DNM3: variants seen among roughly 807,000 people sequenced by gnomAD.
DNM3 encodes dynamin 3, also known as dynamin-3.
A neutral mutation model predicts 101.6 loss-of-function variants in DNM3; 47 were observed. The ratio of observed to expected loss-of-function variants is 0.46; its 90% confidence interval spans 0.37 to 0.59. The LOEUF (loss-of-function observed/expected upper bound fraction) is 0.59. Ranked by LOEUF, DNM3 falls within the 20% of genes least tolerant of loss-of-function variation. DNM3 has a pLI of 0.00. For missense variants in DNM3, 849 were observed against 1,085.7 expected (o/e 0.78, Z 3.06); for synonymous variants, 385 against 387.9 (o/e 0.99, Z 0.09).
At chr1:172,103,912 A>G (rs1400201113) in intron 13 of DNM3, among the ~76,000 whole-genome samples, 1 of 152,160 alleles carries the variant, frequency 6.6e-6, no homozygotes, top group African/African-American at 2.4e-5. Flanking sequence ...GAGGCAGGAG[A>G]ATCACTTGAA....
At chr1:172,035,742 G>C (rs1416959773) in intron 6 of DNM3, among the ~76,000 whole-genome samples, 2 of 152,130 alleles carry the variant, frequency 1.3e-5, no homozygotes, top group African/African-American at 4.8e-5. Flanking sequence ...TGTCTCTTGT[G>C]ACGTTGCTGT....
At chr1:171,932,698 T>C (rs2041123342) in intron 2 of DNM3, among the ~76,000 whole-genome samples, 1 of 152,248 alleles carries the variant, frequency 6.6e-6, no homozygotes, top group Admixed American at 6.5e-5. Flanking sequence ...AACCATCTTA[T>C]TCTACATTTG....
intron 14 of DNM3, among the ~76,000 whole-genome samples, chr1:172,149,640 G>A (rs10911112): frequency 0.34 from 51,864 of 151,980 alleles, 11,707 homozygotes; most frequent in East Asian, 0.62. Flanking sequence ...TAAAATGAGG[G>A]CTGGTTCCCT....
intron 20 of DNM3, among the ~76,000 whole-genome samples, chr1:172,392,509 C>T (rs1212910008): frequency 1.3e-5 from 2 of 152,186 alleles, no homozygotes; most frequent in African/African-American, 4.8e-5. Context: ...AGATCCTGAT[C>T]TTCATCAGAC....
chr1:171,941,496 A>C (rs2041813371), intron 2 of DNM3, among the ~76,000 whole-genome samples: 1 of 152,196 alleles, frequency 6.6e-6, no homozygotes, highest in Non-Finnish European at 1.5e-5. Context: ...GTGAATGTTT[A>C]GAAGTCAGGC....
intron 14 of DNM3, among the ~76,000 whole-genome samples, chr1:172,224,380 T>C (rs2061023515): frequency 6.6e-6 from 1 of 152,206 alleles, no homozygotes; most frequent in African/African-American, 2.4e-5. Flanking sequence ...GGAAATCAAA[T>C]GGAAACCACC....
chr1:172,418,293 T>A, exon 21 of DNM3: 1 of 1,289,472 alleles, frequency 7.8e-7, no homozygotes, highest in Non-Finnish European at 1.0e-6. Flanking sequence ...GACCCCCTCC[T>A]GCAGTTCCAG....
intron 1 of DNM3, among the ~76,000 whole-genome samples, chr1:171,901,998 T>C (rs1023883121): frequency 6.6e-6 from 1 of 152,190 alleles, no homozygotes; most frequent in African/African-American, 2.4e-5. Context: ...CTATATTAGT[T>C]CAAGTTTACA....
chr1:171,996,091 A>G (rs1158767518), intron 4 of DNM3, among the ~76,000 whole-genome samples: 2 of 152,162 alleles, frequency 1.3e-5, no homozygotes, highest in African/African-American at 2.4e-5. Flanking sequence ...ATGTATTTAC[A>G]TATATTTTAT....
At chr1:172,247,848 C>T (rs2062020237) in intron 14 of DNM3, among the ~76,000 whole-genome samples, 1 of 151,876 alleles carries the variant, frequency 6.6e-6, no homozygotes, top group Non-Finnish European at 1.5e-5. Context: ...CCACACCCAG[C>T]TAATTTTTGT....
chr1:171,996,038 C>G (rs1023165887), intron 4 of DNM3, among the ~76,000 whole-genome samples: 2 of 152,062 alleles, frequency 1.3e-5, no homozygotes, highest in Non-Finnish European at 2.9e-5. Context: ...TAATAATATT[C>G]AGATTGAAAA....
chr1:171,863,941 CAGA>C (rs2034450676), intron 1 of DNM3, among the ~76,000 whole-genome samples: 1 of 152,164 alleles, frequency 6.6e-6, no homozygotes, highest in African/African-American at 2.4e-5. Context: ...TCTTTGAACA[CAGA>C]AGAATTATCC....
Position 172,308,680 on chromosome 1 carries a change from G to A in DNM3, c.1770-48G>A, listed in dbSNP as rs917243952. 3.8e-6 allele frequency: 4 copies of A among 1,048,422 alleles called. No individual in the cohort carries two copies. The Admixed American group carries it at 1.2e-4, about 30-fold the overall frequency. The allele number at this position is 1,048,422 out of a possible 1,614,324, so 64.9% of individuals were successfully genotyped here. A position where few individuals can be genotyped will look rare whatever the true frequency, so the allele number is the denominator to read the frequency against. On this transcript the variant is annotated intron_variant, in intron 15 of 20. Transcript: ENST00000627582. ...GTCTACAGCAACATAAAATGACTTTGAATTTGGTTCAAACTAAAAGCATGA... is the reference window on the plus strand; with the variant it reads ...GTCTACAGCAACATAAAATGACTTTAAATTTGGTTCAAACTAAAAGCATGA...
intron 8 of DNM3, 67 bp downstream of exon 8, chr1:172,042,211 A>C (rs971260687): frequency 1.4e-6 from 2 of 1,450,706 alleles, no homozygotes; most frequent in Non-Finnish European, 1.8e-6. Flanking sequence ...ATACAACTTA[A>C]TACAATATTG....
intron 1 of DNM3, among the ~76,000 whole-genome samples, chr1:171,854,977 C>T (rs1302791182): frequency 6.6e-6 from 1 of 152,156 alleles, no homozygotes; most frequent in Non-Finnish European, 1.5e-5. Flanking sequence ...TATTTCTTCA[C>T]CCAGGTACTA....
intron 2 of DNM3, among the ~76,000 whole-genome samples, chr1:171,971,241 T>C (rs901305555): frequency 4.6e-5 from 7 of 152,088 alleles, no homozygotes; most frequent in Non-Finnish European, 7.4e-5. Flanking sequence ...CACTTGTTTA[T>C]AGTTTTAAAT....
chr1:171,915,223 A>G (rs952209461), intron 1 of DNM3, among the ~76,000 whole-genome samples: 1 of 152,188 alleles, frequency 6.6e-6, no homozygotes, highest in African/African-American at 2.4e-5. Flanking sequence ...GAAATAAAAT[A>G]TTTTGTAAGT....
chr1:172,069,475 C>A (rs2051983609), intron 11 of DNM3, among the ~76,000 whole-genome samples: 1 of 151,984 alleles, frequency 6.6e-6, no homozygotes, highest in Non-Finnish European at 1.5e-5. Flanking sequence ...TAAGGAGTGA[C>A]CCTGAAATTG....
At chr1:171,937,503 T>C (rs1400330697) in intron 2 of DNM3, among the ~76,000 whole-genome samples, 1 of 152,170 alleles carries the variant, frequency 6.6e-6, no homozygotes, top group Non-Finnish European at 1.5e-5. Context: ...AGATGCAGAC[T>C]CCTGGACATC....
Sources: allele counts gnomAD v4.1 joint callset (sites outside exome capture counted in the v4.1 genomes callset), GRCh38; gene constraint gnomAD v4.1.1; transcripts MANE v1.5; gene names NCBI Gene and HGNC (gene_info 2026-07-23, HGNC 2026-07-21).